SLC22A24: variants seen among roughly 807,000 people sequenced by gnomAD.
SLC22A24 encodes the protein steroid transmembrane transporter SLC22A24.
SLC22A24 carries 53 observed loss-of-function variants against 49.8 expected under a neutral mutation model. The ratio of observed to expected loss-of-function variants is 1.06; its 90% confidence interval spans 0.85 to 1.34. The LOEUF is 1.34. Ranked by LOEUF, SLC22A24 falls within the 40% of genes most tolerant of loss-of-function variation. The pLI, the probability that SLC22A24 is intolerant of heterozygous loss-of-function variation, is 0.00. For missense variants in SLC22A24, 786 were observed against 675.9 expected (o/e 1.16, Z -1.81); for synonymous variants, 302 against 256.4 (o/e 1.18, Z -1.70).
intron 6 of SLC22A24, among the ~76,000 whole-genome samples, chr11:63,092,576 T>A (rs1473802182): frequency 1.7e-5 from 2 of 118,304 alleles, no homozygotes; most frequent in Non-Finnish European, 3.6e-5. Context: ...GAACCTGACA[T>A]AAACAAGCAA....
chr11:63,132,897 G>C (rs6591764), intron 2 of SLC22A24, among the ~76,000 whole-genome samples: 120,965 of 152,138 alleles, frequency 0.8, 49,189 homozygotes, highest in East Asian at 0.9. Context: ...GTTCAGCTAT[G>C]CCCTGCCCCC....
intron 4 of SLC22A24, among the ~76,000 whole-genome samples, chr11:63,113,193 T>TATATATACATATATATACAC (rs1565332301): frequency 5.5e-4 from 3 of 5,448 alleles, no homozygotes; most frequent in African/African-American, 7.0e-4. Context: ...TATATACACA[T>TATATATACATATATATACAC]ATATATATAC....
chr11:63,091,012 AT>A (rs2135196705), intron 6 of SLC22A24, among the ~76,000 whole-genome samples: 2 of 152,312 alleles, frequency 1.3e-5, no homozygotes, highest in South Asian at 4.1e-4. Context: ...TTTTGAAAAG[AT>A]TAACAAAATA....
chr11:63,105,609 G>A (rs912434907), intron 4 of SLC22A24, among the ~76,000 whole-genome samples: 1 of 152,200 alleles, frequency 6.6e-6, no homozygotes. Flanking sequence ...CATGGCTACA[G>A]TGGCTAGGAC....
chr11:63,112,614 T>C (rs1290481010), intron 4 of SLC22A24, among the ~76,000 whole-genome samples: 1 of 152,144 alleles, frequency 6.6e-6, no homozygotes, highest in Non-Finnish European at 1.5e-5. Flanking sequence ...TCTATCTCCT[T>C]CAGTTGTGCT....
intron 2 of SLC22A24, among the ~76,000 whole-genome samples, chr11:63,126,090 T>C (rs2087288428): frequency 6.6e-6 from 1 of 152,148 alleles, no homozygotes; most frequent in African/African-American, 2.4e-5. Flanking sequence ...TTGCAAAAAT[T>C]TTCTCCCATT....
At chr11:63,137,725 T>C (rs2087385598) in intron 1 of SLC22A24, 1 of 152,228 alleles carries the variant, frequency 6.6e-6, no homozygotes, top group African/African-American at 2.4e-5. Flanking sequence ...ATCTTGTCTA[T>C]GTTTCCATAA....
rs2087435304 is a variant in SLC22A24 at position 63,143,972 on chromosome 11, C to T, written c.-193G>A. ...AGCAGTGGAAGGACTTTCCCCAAGTCCTTTAACTTTAGGCAGCCAAATAGT... is the reference window on the plus strand; with the variant it reads ...AGCAGTGGAAGGACTTTCCCCAAGTTCTTTAACTTTAGGCAGCCAAATAGT... On this transcript the variant is annotated 5_prime_UTR_variant, in exon 1 of 10. Coordinates refer to ENST00000612278, the MANE Select transcript of SLC22A24 (RefSeq NM_001136506.2). 7.3e-6 allele frequency: 3 copies of T among 412,792 alleles called. No individual in the cohort carries two copies. Among genetic ancestry groups the T allele is most frequent in the Non-Finnish European group, 1.2e-5 (3 of 241,642 alleles). The allele number at this position is 412,792 out of a possible 1,614,324, so 25.6% of individuals were successfully genotyped here.
intron 2 of SLC22A24, among the ~76,000 whole-genome samples, chr11:63,129,189 C>T (rs959444847): frequency 2.6e-5 from 4 of 152,144 alleles, no homozygotes; most frequent in South Asian, 2.1e-4. Flanking sequence ...TAGCTTTCTA[C>T]GTATGGCTAG....
chr11:63,094,688 T>C (rs995310266), intron 6 of SLC22A24, among the ~76,000 whole-genome samples: 15 of 152,320 alleles, frequency 9.8e-5, no homozygotes, highest in East Asian at 5.8e-4. Context: ...TGGTGTGAGA[T>C]GGTATCTCAT....
At chr11:63,093,661 A>G (rs2087034534) in intron 6 of SLC22A24, among the ~76,000 whole-genome samples, 1 of 152,074 alleles carries the variant, frequency 6.6e-6, no homozygotes, top group Non-Finnish European at 1.5e-5. Context: ...ATCATCACAT[A>G]GAGGGGAACA....
intron 6 of SLC22A24, among the ~76,000 whole-genome samples, chr11:63,086,449 A>G (rs1590727782): frequency 6.6e-6 from 1 of 152,152 alleles, no homozygotes; most frequent in Non-Finnish European, 1.5e-5. Flanking sequence ...AAAATCAAAT[A>G]CCACATGTTC....
At chr11:63,109,721 G>A (rs1024015126) in intron 4 of SLC22A24, among the ~76,000 whole-genome samples, 8 of 152,042 alleles carry the variant, frequency 5.3e-5, no homozygotes, top group Non-Finnish European at 1.2e-4. Context: ...AAATTTGCTT[G>A]AGTTCATTGT....
At chr11:63,083,497 T>C in intron 6 of SLC22A24, 40 bp from the exon 7 acceptor site, 1 of 1,470,126 alleles carries the variant, frequency 6.8e-7, no homozygotes, top group Non-Finnish European at 9.3e-7. Context: ...TTCAATAAGA[T>C]TTAAAGCCTA....
intron 5 of SLC22A24, among the ~76,000 whole-genome samples, chr11:63,098,723 C>T (rs1459673925): frequency 1.3e-5 from 2 of 151,904 alleles, no homozygotes; most frequent in African/African-American, 4.8e-5. Flanking sequence ...AATGATGTGT[C>T]TTACAGAATT....
rs151072221 is a variant in SLC22A24 at position 63,087,248 on chromosome 11, T to C, written c.1071-3791A>G. On this transcript the variant is annotated intron_variant, in intron 6 of 9. Coordinates refer to ENST00000612278, the MANE Select transcript of SLC22A24 (RefSeq NM_001136506.2). Reference sequence around the variant, plus strand: ...CAACTGAGGCACCCAGTTCATCTCATTGGGACTGGTTAGGCAGTGGCTGCA... The same window carrying C: ...CAACTGAGGCACCCAGTTCATCTCACTGGGACTGGTTAGGCAGTGGCTGCA... Among the ~76,000 whole-genome samples, 579 of 152,152 alleles carry C rather than the reference T, an allele frequency of 3.8e-3. 4 individuals are homozygous for C. Among genetic ancestry groups the C allele is most frequent in the African/African-American group, 0.013 (552 of 41,528 alleles).
intron 6 of SLC22A24, among the ~76,000 whole-genome samples, chr11:63,093,292 C>T (rs1266649683): frequency 6.6e-6 from 1 of 152,088 alleles, no homozygotes; most frequent in African/African-American, 2.4e-5. Context: ...GGTGATTCCT[C>T]AAAGATCTAG....
chr11:63,134,974 G>A (rs1350452327), intron 1 of SLC22A24, among the ~76,000 whole-genome samples: 2 of 152,020 alleles, frequency 1.3e-5, no homozygotes, highest in African/African-American at 4.8e-5. Flanking sequence ...AAATGCATCT[G>A]TCTCTCTCTC....
rs138684871 is a variant in SLC22A24, at chr11:63,121,514, C to CG, written c.507-2180_507-2179insC. On this transcript the variant is annotated intron_variant, in intron 2 of 9. Coordinates refer to ENST00000612278, the MANE Select transcript of SLC22A24 (RefSeq NM_001136506.2). ...TGAAACTAGAGGTAGATCTCAAAAA[C>CG]TTGGTGAATGACAAAGGTTAGAAAG... is the stretch of plus-strand genomic sequence containing the variant. Among the ~76,000 whole-genome samples, 6 of 48,896 alleles carry CG rather than the reference C, an allele frequency of 1.2e-4. No individual in the cohort carries two copies. The East Asian group carries it at 4.5e-3, about 37-fold the overall frequency. The allele number at this position is 48,896 out of a possible 152,430, so 32.1% of individuals were successfully genotyped here. A position where few individuals can be genotyped will look rare whatever the true frequency, so the allele number is the denominator to read the frequency against.
Sources: allele counts gnomAD v4.1 joint callset (sites outside exome capture counted in the v4.1 genomes callset), GRCh38; gene constraint gnomAD v4.1.1; transcripts MANE v1.5; gene names NCBI Gene and HGNC (gene_info 2026-07-23, HGNC 2026-07-21).